Variants in PLD1 observed in about 807,000 individuals in gnomAD.
PLD1 encodes phospholipase D1, also known as choline phosphatase 1.
In PLD1, 112 loss-of-function variants were observed where a neutral mutation model predicts 137.1. That is an observed-to-expected ratio of 0.82 (90% confidence interval 0.70 to 0.96). The LOEUF is 0.96. Ranked by LOEUF, PLD1 falls within the 40% of genes least tolerant of loss-of-function variation. The pLI, the probability that PLD1 is intolerant of heterozygous loss-of-function variation, is 0.00. For missense variants in PLD1, 1,321 were observed against 1,342.0 expected (o/e 0.98, Z 0.24); for synonymous variants, 431 against 454.7 (o/e 0.95, Z 0.66).
chr3:171,638,006 C>T (rs1412864044), intron 23 of PLD1, among the ~76,000 whole-genome samples: 4 of 151,818 alleles, frequency 2.6e-5, no homozygotes, highest in Non-Finnish European at 1.5e-5. Flanking sequence ...CAGTGAAACC[C>T]CATCTCCACT....
intron 1 of PLD1, among the ~76,000 whole-genome samples, chr3:171,786,047 G>A (rs1357590391): frequency 6.6e-6 from 1 of 152,068 alleles, no homozygotes; most frequent in Non-Finnish European, 1.5e-5. Context: ...ATGTTTCTTG[G>A]GTTGACTTTC....
intron 22 of PLD1, 87 bp from the exon 23 acceptor site, chr3:171,642,976 G>A (rs1474618602): frequency 8.0e-6 from 6 of 751,120 alleles, no homozygotes; most frequent in Admixed American, 7.1e-5. Flanking sequence ...CCTAACACAA[G>A]TAAAAACAGA....
At chr3:171,625,079 C>G (rs928887249) in intron 23 of PLD1, among the ~76,000 whole-genome samples, 14 of 152,210 alleles carry the variant, frequency 9.2e-5, no homozygotes, top group Admixed American at 9.2e-4. Flanking sequence ...AAACAAAACC[C>G]TGAGAGTTCC....
chr3:171,610,908 A>G (rs1042832202), intron 25 of PLD1, among the ~76,000 whole-genome samples: 3 of 152,238 alleles, frequency 2.0e-5, no homozygotes, highest in Non-Finnish European at 4.4e-5. Flanking sequence ...CTACTTAGAC[A>G]GAGACAGCAG....
intron 12 of PLD1, among the ~76,000 whole-genome samples, chr3:171,693,689 T>C (rs1447197999): frequency 2.0e-5 from 3 of 152,178 alleles, no homozygotes; most frequent in East Asian, 3.8e-4. Flanking sequence ...TGTATCTAAA[T>C]GACACCTGGC....
In PLD1 at chr3:171,677,713, C is replaced by G. The variant is rs1713536311; in HGVS notation, c.1868-19G>C. The G allele has an allele frequency of 6.2e-7, 1 of 1,611,902 alleles. No individual in the cohort carries two copies. Among genetic ancestry groups the G allele is most frequent in the Non-Finnish European group, 8.5e-7 (1 of 1,179,040 alleles). ...CCGGTATCTGTGAATGCAGCAAGAC[C>G]CCCTCAGAGACTGTGGTTCAGGTGA... On this transcript the variant is annotated intron_variant, in intron 16 of 26. Transcript: ENST00000351298.
At chr3:171,695,451 C>T (rs993189519) in intron 12 of PLD1, among the ~76,000 whole-genome samples, 1 of 152,150 alleles carries the variant, frequency 6.6e-6, no homozygotes, top group African/African-American at 2.4e-5. Flanking sequence ...CCAAAGTTTC[C>T]ATAGAATAAA....
intron 25 of PLD1, among the ~76,000 whole-genome samples, chr3:171,611,888 T>C (rs1226034614): frequency 6.6e-6 from 1 of 152,126 alleles, no homozygotes; most frequent in East Asian, 1.9e-4. Context: ...GAGACCAGCC[T>C]GGGCAGCACA....
rs1010016680 is a variant in PLD1, at chr3:171,659,404, T to C, written c.2341-103A>G. On this transcript the variant is annotated intron_variant, in intron 20 of 26. Coordinates refer to ENST00000351298, the MANE Select transcript of PLD1 (RefSeq NM_002662.5). ...TTTTTAAAATGTTTCACACAGCAGATGTGTTCTGATCACTGAAATCACATC... is the reference window on the plus strand; with the variant it reads ...TTTTTAAAATGTTTCACACAGCAGACGTGTTCTGATCACTGAAATCACATC... 5 of 781,322 alleles carry C rather than the reference T, an allele frequency of 6.4e-6. No individual in the cohort carries two copies. In the African/African-American group the frequency reaches 6.9e-5, roughly 11 times the overall value. The allele number at this position is 781,322 out of a possible 1,614,324, so 48.4% of individuals were successfully genotyped here. A position where few individuals can be genotyped will look rare whatever the true frequency, so the allele number is the denominator to read the frequency against.
intron 23 of PLD1, 53 bp from the exon 24 acceptor site, chr3:171,620,573 G>T: frequency 3.7e-6 from 4 of 1,088,078 alleles, no homozygotes; most frequent in Non-Finnish European, 2.8e-6. Context: ...CTCAATAAAC[G>T]TACATTAAAT....
At chr3:171,667,905 C>A (rs1300845932) in intron 19 of PLD1, among the ~76,000 whole-genome samples, 1 of 152,146 alleles carries the variant, frequency 6.6e-6, no homozygotes, top group South Asian at 2.1e-4. Context: ...GCCCATGCCA[C>A]CATGCTGAAC....
rs531929013 is a variant in PLD1, at chr3:171,673,372, C to T, written c.2229+1128G>A. Among the ~76,000 whole-genome samples the T allele has an allele frequency of 3.1e-5, 4 of 129,556 alleles. No individual in the cohort carries two copies. The South Asian group carries it at 9.8e-4, about 32-fold the overall frequency. The allele number at this position is 129,556 out of a possible 152,430, so 85.0% of individuals were successfully genotyped here. ...TCTCGGCTCACTGCAAACTCTGCCT[C>T]CTGGGTTTAAGCGATTCTCCTGCCT... On this transcript the variant is annotated intron_variant, in intron 19 of 26. Transcript: ENST00000351298.
At chr3:171,714,237 G>A (rs777401114) in intron 8 of PLD1, among the ~76,000 whole-genome samples, 192 bp from the exon 9 acceptor site, 12 of 152,074 alleles carry the variant, frequency 7.9e-5, no homozygotes, top group South Asian at 2.1e-4. Context: ...TTTCTATTAC[G>A]TTTTTCTAAG....
chr3:171,657,089 A>G (rs2108423092), intron 21 of PLD1, among the ~76,000 whole-genome samples: 1 of 152,322 alleles, frequency 6.6e-6, no homozygotes, highest in Non-Finnish European at 1.5e-5. Flanking sequence ...TTTTTTGCCT[A>G]TTGTGGTTAG....
Position 171,708,764 on chromosome 3 carries a change from G to C in PLD1, c.1136C>G (p.Thr379Arg). 6.3e-7 allele frequency: 1 copy of C among 1,581,882 alleles called. No individual in the cohort carries two copies. The highest frequency in any genetic ancestry group is 8.7e-7 in the Non-Finnish European group (1 of 1,150,748). Residue 379 changes from threonine (T) to arginine (R), a missense_variant, in exon 11 of 27, where the codon ACA becomes AGA. Transcript: ENST00000351298. ...MEEANEEIFITDWWLSPEIFL... is the reference protein window; with the variant it reads ...MEEANEEIFIRDWWLSPEIFL... ...AGGGACAAATACTAACCACCAGTCT[G>C]TGATAAAAATCTCTTCATTTGCCTC...
At chr3:171,623,335 G>C (rs1733800724) in intron 23 of PLD1, among the ~76,000 whole-genome samples, 1 of 134,374 alleles carries the variant, frequency 7.4e-6, no homozygotes, top group Non-Finnish European at 1.6e-5. Context: ...TTTTTTTTGA[G>C]ATGGAGTCTC....
At chr3:171,668,760 G>A (rs929887453) in intron 19 of PLD1, among the ~76,000 whole-genome samples, 1 of 152,178 alleles carries the variant, frequency 6.6e-6, no homozygotes, top group East Asian at 1.9e-4. Context: ...TTGTTCCCAT[G>A]TGTTGACCCC....
intron 19 of PLD1, among the ~76,000 whole-genome samples, chr3:171,672,257 G>T (rs1712844620): frequency 6.6e-6 from 1 of 152,172 alleles, no homozygotes; most frequent in African/African-American, 2.4e-5. Context: ...CAGAGGCAAA[G>T]AACTCCTTTG....
At chr3:171,686,638 C>T (rs1714586288) in intron 16 of PLD1, 47 bp downstream of exon 16, 1 of 1,011,314 alleles carries the variant, frequency 9.9e-7, no homozygotes, top group Admixed American at 2.1e-5. Context: ...GACAACACAA[C>T]CAAAGCTCAA....
Sources: allele counts gnomAD v4.1 joint callset (sites outside exome capture counted in the v4.1 genomes callset), GRCh38; gene constraint gnomAD v4.1.1; transcripts MANE v1.5; gene names NCBI Gene and HGNC (gene_info 2026-07-23, HGNC 2026-07-21).